SAMMSON: variants seen among roughly 807,000 people sequenced by gnomAD.
The protein encoded by SAMMSON is long intergenic non-protein coding RNA 1212.
At chr3:70,224,494 A>C (rs1002013658) in intron 4 of SAMMSON, among the ~76,000 whole-genome samples, 6 of 152,228 alleles carry the variant, frequency 3.9e-5, no homozygotes, top group African/African-American at 1.4e-4. Flanking sequence ...GCAGCACTTA[A>C]TGAGTGTGTT....
At chr3:70,053,530 G>A (rs2067154238) in intron 3 of SAMMSON, among the ~76,000 whole-genome samples, 1 of 152,114 alleles carries the variant, frequency 6.6e-6, no homozygotes, top group Non-Finnish European at 1.5e-5. Flanking sequence ...CCCACATAGA[G>A]TCCCAAGCCA....
At chr3:70,102,340 A>G (rs918686487) in intron 4 of SAMMSON, among the ~76,000 whole-genome samples, 8 of 152,240 alleles carry the variant, frequency 5.3e-5, no homozygotes, top group African/African-American at 1.9e-4. Context: ...TCATCAGCTG[A>G]TGTAAAAATA....
At chr3:70,027,790 A>G (rs1326894480) in intron 3 of SAMMSON, among the ~76,000 whole-genome samples, 1 of 152,216 alleles carries the variant, frequency 6.6e-6, no homozygotes, top group Non-Finnish European at 1.5e-5. Flanking sequence ...TGCAAAGGAC[A>G]GCACTGATGA....
intron 2 of SAMMSON, among the ~76,000 whole-genome samples, chr3:70,404,215 A>G (rs114860074): frequency 6.6e-6 from 1 of 152,162 alleles, no homozygotes; most frequent in African/African-American, 2.4e-5. Flanking sequence ...GCATATCATT[A>G]GCATCATTAT....
intron 7 of SAMMSON, among the ~76,000 whole-genome samples, chr3:70,294,194 C>T (rs1273387739): frequency 6.6e-6 from 1 of 152,068 alleles, no homozygotes; most frequent in African/African-American, 2.4e-5. Context: ...TTACAGTTTT[C>T]TGTAGAATGA....
chr3:70,103,434 T>C (rs1036740941), intron 4 of SAMMSON, among the ~76,000 whole-genome samples: 6 of 152,194 alleles, frequency 3.9e-5, no homozygotes, highest in Non-Finnish European at 8.8e-5. Flanking sequence ...TTTCCTGCCA[T>C]ATAGAAATGG....
At chr3:70,348,681 G>A (rs770371054) in intron 7 of SAMMSON, among the ~76,000 whole-genome samples, 2 of 152,092 alleles carry the variant, frequency 1.3e-5, no homozygotes, top group African/African-American at 2.4e-5. Flanking sequence ...AATTCCAGGG[G>A]TATTGGAACA....
At chr3:70,336,854 GTGT>G (rs1162150645) in intron 7 of SAMMSON, among the ~76,000 whole-genome samples, 1 of 147,978 alleles carries the variant, frequency 6.8e-6, no homozygotes, top group Non-Finnish European at 1.5e-5. Flanking sequence ...GTGTGTGTGT[GTGT>G]GGAGAGAGAG....
chr3:70,369,813 G>A (rs962079520), intron 9 of SAMMSON, among the ~76,000 whole-genome samples: 4 of 151,588 alleles, frequency 2.6e-5, no homozygotes, highest in Admixed American at 6.6e-5. Context: ...TCTATGTGTT[G>A]GGGGCATTTC....
intron 4 of SAMMSON, among the ~76,000 whole-genome samples, chr3:70,087,176 A>G (rs1253641573): frequency 6.6e-6 from 1 of 152,162 alleles, no homozygotes; most frequent in Non-Finnish European, 1.5e-5. Flanking sequence ...TGAAATATTC[A>G]TAGTGGCCAA....
intron 6 of SAMMSON, among the ~76,000 whole-genome samples, chr3:70,261,683 C>A (rs1398497391): frequency 6.6e-6 from 1 of 152,134 alleles, no homozygotes; most frequent in South Asian, 2.1e-4. Context: ...TTGTTGAAAA[C>A]AGAATGCCAA....
intron 7 of SAMMSON, among the ~76,000 whole-genome samples, chr3:70,304,892 C>G (rs551367801): frequency 6.6e-6 from 1 of 152,110 alleles, no homozygotes; most frequent in Non-Finnish European, 1.5e-5. Context: ...CTTCTTTCCC[C>G]TTTTTCGTCA....
At chr3:70,298,474 T>C (rs1045611099) in intron 7 of SAMMSON, among the ~76,000 whole-genome samples, 15 of 152,160 alleles carry the variant, frequency 9.9e-5, no homozygotes, top group African/African-American at 3.6e-4. Context: ...CTCCAACTTT[T>C]ATCTCATAAA....
In SAMMSON at chr3:70,060,291, A is replaced by T. The variant is rs547109634; in HGVS notation, n.418-11185A>T. ...GGCCTAGAGGGAAACCAACAGTTAA[A>T]CAAGGAATTATTATAAAGTCTGTGC... On this transcript the variant is annotated intron_variant and non_coding_transcript_variant, in intron 3 of 9. Coordinates refer to ENST00000642114, the Ensembl canonical transcript of SAMMSON. 2.0e-5 allele frequency among the ~76,000 whole-genome samples: 3 copies of T among 152,208 alleles called. No homozygotes were observed. In the South Asian group the frequency reaches 6.2e-4, roughly 32 times the overall value.
chr3:70,051,603 C>G (rs963841299), intron 3 of SAMMSON, among the ~76,000 whole-genome samples: 1 of 151,292 alleles, frequency 6.6e-6, no homozygotes, highest in Non-Finnish European at 1.5e-5. Context: ...CTATTTATTG[C>G]TATGTGAAAA....
chr3:70,052,862 A>G (rs1037049782), intron 3 of SAMMSON, among the ~76,000 whole-genome samples: 2 of 152,150 alleles, frequency 1.3e-5, no homozygotes, highest in African/African-American at 2.4e-5. Context: ...AGATTGATAT[A>G]TATGTATTCC....
chr3:70,145,898 T>C (rs1260850313), intron 4 of SAMMSON, among the ~76,000 whole-genome samples: 1 of 151,686 alleles, frequency 6.6e-6, no homozygotes, highest in Non-Finnish European at 1.5e-5. Flanking sequence ...AAAATAAAAA[T>C]ATCAAGTGAA....
intron 6 of SAMMSON, among the ~76,000 whole-genome samples, chr3:70,253,337 T>C (rs746887656): frequency 6.6e-6 from 1 of 152,024 alleles, no homozygotes; most frequent in Non-Finnish European, 1.5e-5. Context: ...GGGGTGTGCA[T>C]GGAGTCCAAG....
intron 2 of SAMMSON, among the ~76,000 whole-genome samples, chr3:70,429,923 T>G (rs1701400656): frequency 6.6e-6 from 1 of 152,198 alleles, no homozygotes; most frequent in African/African-American, 2.4e-5. Flanking sequence ...CAGAGACAAC[T>G]TGAATTCCTT....
Sources: gnomAD v4.1 joint callset for allele counts (sites outside exome capture counted in the v4.1 genomes callset) on GRCh38, gnomAD v4.1.1 for gene constraint, MANE v1.5 for transcripts, NCBI Gene and HGNC (gene_info 2026-07-23, HGNC 2026-07-21) for gene names.